The following TG variants were observed in gnomAD, a reference collection of about 807,000 sequenced individuals.
The protein encoded by TG is thyroid hormones.
TG carries 270 observed loss-of-function variants against 324.7 expected under a neutral mutation model. The observed-to-expected ratio is 0.83, with a 90% confidence interval of 0.75 to 0.92. The LOEUF (loss-of-function observed/expected upper bound fraction) is 0.92. Ranked by LOEUF, TG falls within the 40% of genes least tolerant of loss-of-function variation. The pLI is 0.00. For synonymous variants in TG, 1,401 were observed against 1,327.0 expected (o/e 1.06, Z -1.21); for missense variants, 3,591 against 3,456.4 (o/e 1.04, Z -0.98).
chr8:133,005,040 A>G (rs1833902200), intron 35 of TG, among the ~76,000 whole-genome samples: 1 of 152,218 alleles, frequency 6.6e-6, no homozygotes, highest in African/African-American at 2.4e-5. Flanking sequence ...ACATTCCCTG[A>G]GGAAAGAAAG....
intron 41 of TG, among the ~76,000 whole-genome samples, chr8:133,040,715 G>A (rs753672900): frequency 3.3e-5 from 5 of 152,100 alleles, no homozygotes; most frequent in Non-Finnish European, 5.9e-5. Context: ...GAAAGAGGGC[G>A]AGGAGGAAAA....
At chr8:132,935,702 G>A (rs1280200364) in intron 24 of TG, 54 bp from the exon 25 acceptor site, 1 of 1,490,764 alleles carries the variant, frequency 6.7e-7, no homozygotes, top group African/African-American at 1.4e-5. Context: ...AATGTTTGTT[G>A]GATTGAATTA....
intron 45 of TG, among the ~76,000 whole-genome samples, chr8:133,117,884 C>A (rs887891134): frequency 1.3e-5 from 2 of 152,206 alleles, no homozygotes; most frequent in African/African-American, 4.8e-5. Context: ...GCTGTGCCAT[C>A]ATAGGTAGTT....
chr8:132,951,924 T>G (rs1160870957), intron 27 of TG, among the ~76,000 whole-genome samples: 2 of 152,208 alleles, frequency 1.3e-5, no homozygotes, highest in Non-Finnish European at 2.9e-5. Flanking sequence ...AGAGGAGGAT[T>G]CTGGGTACAG....
At chr8:132,883,509 C>A (rs1814956618) in intron 8 of TG, among the ~76,000 whole-genome samples, 1 of 152,126 alleles carries the variant, frequency 6.6e-6, no homozygotes, top group South Asian at 2.1e-4. Flanking sequence ...TGCTAATGAT[C>A]ATCTAATCTG....
At chr8:133,073,251 A>G (rs2131451917) in intron 41 of TG, 1 of 152,282 alleles carries the variant, frequency 6.6e-6, no homozygotes, top group Admixed American at 6.5e-5. Flanking sequence ...TAGATTGTAG[A>G]TCTGTTTAAG....
At position 132,886,813 on chromosome 8, in the gene TG, G is replaced by T; in HGVS notation, c.1441G>T (p.Gly481Cys). 6.2e-7 allele frequency: 1 copy of T among 1,614,136 alleles called. No homozygotes were observed. The highest frequency in any genetic ancestry group is 8.5e-7 in the Non-Finnish European group (1 of 1,180,028). ...TGGAGGGAAATTTTTGGTGAATGTT[G>T]GCCAGTTTAACTTGTCTGGAGCCCT... is the stretch of plus-strand genomic sequence containing the variant. ...LFGGKFLVNV[G>C]QFNLSGALGT... The change falls in exon 9 of 48, where the codon GGC (glycine) becomes TGC (cysteine). Residue 481 changes from glycine (G) to cysteine (C), a missense_variant. By Grantham distance (159) the Gly-to-Cys change is radical. Coordinates refer to ENST00000220616, the MANE Select transcript of TG (RefSeq NM_003235.5).
At position 133,133,537 on chromosome 8, in the gene TG, G is replaced by T. The variant is rs376496042; in HGVS notation, c.8065G>T (p.Val2689Leu). Residue 2689 changes from valine (V) to leucine (L), a missense_variant, in exon 47 of 48, where the codon GTA becomes TTA. By Grantham distance (32) the Val-to-Leu change is conservative (BLOSUM62 1). Coordinates refer to ENST00000220616, the MANE Select transcript of TG (RefSeq NM_003235.5). ...ATTTGCAACCCCCTGGCCTGACTTT[G>T]TACCCCGTGCTGGTGGAGAGAACTA... Reference protein sequence around the residue: ...PTFATPWPDFVPRAGGENYKE... With the variant: ...PTFATPWPDFLPRAGGENYKE... The T allele has an allele frequency of 2.5e-6, 4 of 1,614,184 alleles. No homozygotes were observed. The highest frequency in any genetic ancestry group is 2.2e-5 in the East Asian group (1 of 44,878).
intron 17 of TG, among the ~76,000 whole-genome samples, chr8:132,907,726 G>A (rs372401816): frequency 6.6e-6 from 1 of 152,328 alleles, no homozygotes; most frequent in East Asian, 1.9e-4. Context: ...CTAGAGCAAA[G>A]GACTTTGGGG....
At chr8:133,086,087 AAG>A (rs998199174) in intron 41 of TG, among the ~76,000 whole-genome samples, 1 of 152,218 alleles carries the variant, frequency 6.6e-6, no homozygotes, top group Non-Finnish European at 1.5e-5. Context: ...GATGAAGTAA[AAG>A]AAGCCAGACA....
chr8:132,887,514 T>C lies in TG; in HGVS notation c.2142T>C (p.Pro714=). 2 of 1,614,202 alleles carry C rather than the reference T, an allele frequency of 1.2e-6. No individual in the cohort carries two copies. Among genetic ancestry groups the C allele is most frequent in the Non-Finnish European group, 1.7e-6 (2 of 1,180,044 alleles). ...YCVDAEGQAI[P]GTRSAIGKPK... ...TTGATGCTGAGGGTCAGGCCATTCC[T>C]GGAACTCGAAGTGCAATAGGGAAGC... Residue 714 remains proline, a synonymous_variant, in exon 9 of 48, where the codon CCT becomes CCC. Transcript: ENST00000220616.
intron 20 of TG, among the ~76,000 whole-genome samples, chr8:132,917,763 G>C (rs535349354): frequency 6.6e-6 from 1 of 152,176 alleles, no homozygotes; most frequent in Admixed American, 6.5e-5. Flanking sequence ...CAATGTTGGG[G>C]GGTTTGTGGA....
At chr8:132,949,350 C>G (rs946285130) in intron 27 of TG, among the ~76,000 whole-genome samples, 24 of 152,190 alleles carry the variant, frequency 1.6e-4, no homozygotes, top group Admixed American at 1.5e-3. Context: ...ATAAGCAAGG[C>G]CTCTGTTGGT....
chr8:132,964,667 G>A (rs1161678556), intron 29 of TG: 1 of 545,456 alleles, frequency 1.8e-6, no homozygotes, highest in Non-Finnish European at 3.3e-6. Flanking sequence ...ATCTAATACG[G>A]CACGTAAACC....
chr8:132,968,100 T>C (rs900313957), intron 31 of TG, 130 bp downstream of exon 31: 2 of 1,126,098 alleles, frequency 1.8e-6, no homozygotes, highest in South Asian at 2.7e-5. Context: ...TTCAAGAAGA[T>C]GGGAACATGG....
At chr8:132,943,939 A>G (rs1034571655) in intron 26 of TG, among the ~76,000 whole-genome samples, 14 of 152,090 alleles carry the variant, frequency 9.2e-5, no homozygotes, top group African/African-American at 3.4e-4. Context: ...ATCCTTAGAT[A>G]TTGATAGGTC....
At chr8:132,942,310 C>T (rs1015126009) in intron 26 of TG, among the ~76,000 whole-genome samples, 3 of 152,164 alleles carry the variant, frequency 2.0e-5, no homozygotes, top group Non-Finnish European at 4.4e-5. Context: ...CAAAATGCTG[C>T]GTATAGATTT....
chr8:132,877,940 T>C (rs1445165616), intron 5 of TG, among the ~76,000 whole-genome samples: 1 of 150,806 alleles, frequency 6.6e-6, no homozygotes, highest in East Asian at 2.0e-4. Flanking sequence ...TTTCTTCTGA[T>C]ATGCCCAAAA....
chr8:132,905,434 G>A (rs1440110247), intron 16 of TG, among the ~76,000 whole-genome samples: 3 of 152,150 alleles, frequency 2.0e-5, no homozygotes, highest in South Asian at 2.1e-4. Context: ...GATCAAAATA[G>A]GTCATTCTTC....
Sources: allele counts gnomAD v4.1 joint callset (sites outside exome capture counted in the v4.1 genomes callset), GRCh38; gene constraint gnomAD v4.1.1; transcripts MANE v1.5; gene names NCBI Gene and HGNC (gene_info 2026-07-23, HGNC 2026-07-21).